PLAGL1: variants seen among roughly 807,000 people sequenced by gnomAD.
PLAGL1 encodes the protein PLAG1 like zinc finger 1, also known as zinc finger protein PLAGL1.
PLAGL1 carries 1 observed loss-of-function variant against 4.6 expected under a neutral mutation model. The observed-to-expected ratio is 0.22, with a 90% confidence interval of 0.08 to 1.03. The LOEUF (loss-of-function observed/expected upper bound fraction) is 1.03, where lower values mean the gene tolerates loss of function less well. Among genes scored for constraint, PLAGL1 ranks in the 50% least tolerant of loss-of-function variants. The pLI, the probability that PLAGL1 is intolerant of heterozygous loss-of-function variation, is 0.58. For missense variants in PLAGL1, 464 were observed against 570.4 expected, an observed-to-expected ratio of 0.81 and a Z score of 1.90; for synonymous variants, 240 against 237.8, an observed-to-expected ratio of 1.01 and a Z score of -0.08.
rs1339882190 is a variant in PLAGL1, at chr6:143,966,381, A to C, written c.-471-183T>G. ...ATTCAAATAGCAAAACAAACAAAAA[A>C]CCCAACTGTGCACACACACACACCA... On this transcript the variant is annotated intron_variant, in intron 3 of 7. Coordinates refer to ENST00000674357, the MANE Select transcript of PLAGL1 (RefSeq NM_001317162.2). The surrounding 1 kb of genome is among the most constrained non-coding windows in gnomAD (Gnocchi z 6.0). 1 of 152,142 alleles carries C rather than the reference A, an allele frequency of 6.6e-6. No individual in the cohort carries two copies. The highest frequency in any genetic ancestry group is 1.5e-5 in the Non-Finnish European group (1 of 68,034). The allele number at this position is 152,142 out of a possible 1,614,324, so 9.4% of individuals were successfully genotyped here. A position where few individuals can be genotyped will look rare whatever the true frequency, so the allele number is the denominator to read the frequency against.
intron 1 of PLAGL1, among the ~76,000 whole-genome samples, chr6:144,029,705 A>G (rs1242634344): frequency 1.3e-5 from 2 of 152,230 alleles, no homozygotes; most frequent in African/African-American, 4.8e-5. Context: ...CGGAGTAGAA[A>G]CTGGTACAGC....
intron 1 of PLAGL1, among the ~76,000 whole-genome samples, chr6:143,998,736 T>C (rs950193504): frequency 6.6e-6 from 1 of 152,032 alleles, no homozygotes; most frequent in Non-Finnish European, 1.5e-5. Context: ...GAGTATTCTC[T>C]GAACAGAGCT....
chr6:144,025,770 G>A (rs1796299674), intron 1 of PLAGL1, among the ~76,000 whole-genome samples: 1 of 152,032 alleles, frequency 6.6e-6, no homozygotes, highest in Non-Finnish European at 1.5e-5. Context: ...GCACGCACCT[G>A]TAATCCCAGC....
In PLAGL1 at chr6:143,942,674, A is replaced by G. The variant is rs200077266; in HGVS notation, c.153-11T>C. The G allele has an allele frequency of 1.9e-6, 3 of 1,599,498 alleles. No homozygotes were observed. Among genetic ancestry groups the G allele is most frequent in the Non-Finnish European group, 2.6e-6 (3 of 1,172,400 alleles). Reference sequence around the variant, plus strand: ...TGGGTAGCCATATGCCTAGGAGCAGAAGGAGAAATTTCACAATAGAGAGTT... The same window carrying G: ...TGGGTAGCCATATGCCTAGGAGCAGGAGGAGAAATTTCACAATAGAGAGTT... On this transcript the variant is annotated splice_polypyrimidine_tract_variant and intron_variant, in intron 7 of 7. Transcript: ENST00000674357. The surrounding 1 kb of genome is among the most constrained non-coding windows in gnomAD (Gnocchi z 7.6).
chr6:144,002,322 T>A (rs1273425158), intron 1 of PLAGL1, among the ~76,000 whole-genome samples: 1 of 152,168 alleles, frequency 6.6e-6, no homozygotes, highest in Non-Finnish European at 1.5e-5. Flanking sequence ...AACATCACCC[T>A]TAATAGTGAA....
In PLAGL1 at chr6:144,022,950, A is replaced by G. The variant is rs1278756325; in HGVS notation, c.-151+41518T>C. ...AAACCTGCACATGAATATTTATAGC[A>G]GCTTTACTCATAATTGCCAAAAACT... On this transcript the variant is annotated intron_variant, in intron 1 of 3. Transcript: ENST00000437412. The surrounding 1 kb of genome is among the most constrained non-coding windows in gnomAD (Gnocchi z 4.2). 1.3e-5 allele frequency among the ~76,000 whole-genome samples: 2 copies of G among 152,250 alleles called. No individual in the cohort carries two copies. Among genetic ancestry groups the G allele is most frequent in the East Asian group, 3.8e-4 (2 of 5,206 alleles).
At chr6:144,045,113 C>A (rs1798042769) in intron 1 of PLAGL1, among the ~76,000 whole-genome samples, 2 of 149,110 alleles carry the variant, frequency 1.3e-5, no homozygotes, top group Non-Finnish European at 3.0e-5. Context: ...ATACAGCACT[C>A]TGATGGGTCT....
rs999084316 is a variant in PLAGL1, at chr6:143,950,034, T to C, written c.-324-1574A>G. On this transcript the variant is annotated intron_variant, in intron 6 of 7. Transcript: ENST00000674357. This position sits in a 1 kb window ranked among gnomAD's most constrained non-coding sequence, Gnocchi z 6.3. Reference sequence around the variant, plus strand: ...CAGGAAACTTGTAGAGTTCCTCATCTTCTGTTGTAGATGTTTTCAGTGTCT... The same window carrying C: ...CAGGAAACTTGTAGAGTTCCTCATCCTCTGTTGTAGATGTTTTCAGTGTCT... 1.3e-5 allele frequency among the ~76,000 whole-genome samples: 2 copies of C among 152,218 alleles called. No homozygotes were observed. The highest frequency in any genetic ancestry group is 4.8e-5 in the African/African-American group (2 of 41,460).
Position 143,947,031 on chromosome 6 carries a change from G to A in PLAGL1, c.152+954C>T. Among the ~76,000 whole-genome samples the A allele has an allele frequency of 6.6e-6, 1 of 152,164 alleles. No homozygotes were observed. The highest frequency in any genetic ancestry group is 1.9e-4 in the East Asian group (1 of 5,200). ...TATCTAATGTATTCATTTCCCTCAT[G>A]GAAGTAGGTACCTAACAGGCACTCA... On this transcript the variant is annotated intron_variant, in intron 7 of 7. Transcript: ENST00000674357. This position sits in a 1 kb window ranked among gnomAD's most constrained non-coding sequence, Gnocchi z 4.3.
Position 144,036,735 on chromosome 6 carries a change from G to T in PLAGL1, c.-151+27733C>A. On this transcript the variant is annotated intron_variant, in intron 1 of 3. Transcript: ENST00000437412. This position sits in a 1 kb window ranked among gnomAD's most constrained non-coding sequence, Gnocchi z 5.1. ...ATGGAAAAAGTGAAACTACAGAACA[G>T]AAATTGTGCAACTTCCAGAAAACTG... 1 of 322,876 alleles carries T rather than the reference G, an allele frequency of 3.1e-6. No individual in the cohort carries two copies. Among genetic ancestry groups the T allele is most frequent in the Non-Finnish European group, 5.9e-6 (1 of 169,518 alleles). The allele number at this position is 322,876 out of a possible 1,614,324, so 20.0% of individuals were successfully genotyped here. A position where few individuals can be genotyped will look rare whatever the true frequency, so the allele number is the denominator to read the frequency against.
rs761735778 is a variant in PLAGL1, at chr6:144,027,230, C to CGAAAGAAAGA, written c.-151+37237_-151+37238insTCTTTCTTTC. Among the ~76,000 whole-genome samples, 1 of 99,106 alleles carries CGAAAGAAAGA rather than the reference C, an allele frequency of 1.0e-5. No homozygotes were observed. The highest frequency in any genetic ancestry group is 4.1e-5 in the African/African-American group (1 of 24,100). 65.0% of individuals were successfully genotyped at this position (99,106 alleles called of 152,430 possible). A position where few individuals can be genotyped will look rare whatever the true frequency, so the allele number is the denominator to read the frequency against. Reference sequence around the variant, plus strand: ...CAGAGAAAGACCCCAACTCAAAGAACGAACGAAAGAAAGAAAGAAAGAAAG... The same window carrying CGAAAGAAAGA: ...CAGAGAAAGACCCCAACTCAAAGAACGAAAGAAAGAGAACGAAAGAAAGAAAGAAAGAAAG... On this transcript the variant is annotated intron_variant, in intron 1 of 3. Coordinates refer to the PLAGL1 transcript ENST00000437412. This position sits in a 1 kb window ranked among gnomAD's most constrained non-coding sequence, Gnocchi z 5.8.
In PLAGL1 at chr6:144,050,535, G is replaced by T. The variant is rs1798506205; in HGVS notation, c.-151+13933C>A. The stretch of plus-strand genomic sequence containing the variant: ...TTATGTCTCTATTATTACATTATAG[G>T]CTTATTCTAGGGAATAAATATCTTA... On this transcript the variant is annotated intron_variant, in intron 1 of 3. Coordinates refer to the PLAGL1 transcript ENST00000437412. This position sits in a 1 kb window ranked among gnomAD's most constrained non-coding sequence, Gnocchi z 4.3. Among the ~76,000 whole-genome samples the T allele has an allele frequency of 6.6e-6, 1 of 151,996 alleles. No individual in the cohort carries two copies. The highest frequency in any genetic ancestry group is 2.4e-5 in the African/African-American group (1 of 41,364).
rs1796450100 is a variant in PLAGL1, at chr6:144,027,314, A to G, written c.-151+37154T>C. Reference sequence around the variant, plus strand: ...AAGAAAGTTATTTGATCTGAAGTACAATGTCTTTAAGAAGTGAAATCTGTA... The same window carrying G: ...AAGAAAGTTATTTGATCTGAAGTACGATGTCTTTAAGAAGTGAAATCTGTA... On this transcript the variant is annotated intron_variant, in intron 1 of 3. Transcript: ENST00000437412. The surrounding 1 kb of genome is among the most constrained non-coding windows in gnomAD (Gnocchi z 5.8). Among the ~76,000 whole-genome samples, 1 of 150,552 alleles carries G rather than the reference A, an allele frequency of 6.6e-6. No individual in the cohort carries two copies. The highest frequency in any genetic ancestry group is 6.6e-5 in the Admixed American group (1 of 15,044).
chr6:144,029,792 C>T (rs1214106038), intron 1 of PLAGL1, among the ~76,000 whole-genome samples: 4 of 152,136 alleles, frequency 2.6e-5, no homozygotes, highest in African/African-American at 9.7e-5. Flanking sequence ...ACTGGTACAA[C>T]CTTATGGAAG....
intron 1 of PLAGL1, among the ~76,000 whole-genome samples, chr6:143,991,763 C>T (rs182379453): frequency 2.0e-5 from 3 of 152,342 alleles, no homozygotes; most frequent in Admixed American, 1.3e-4. Context: ...TTCAAGCCTG[C>T]TAACCAGGAA....
At chr6:144,043,125 G>A (rs1386804938) in intron 1 of PLAGL1, among the ~76,000 whole-genome samples, 1 of 152,184 alleles carries the variant, frequency 6.6e-6, no homozygotes, top group Non-Finnish European at 1.5e-5. Context: ...TGGAAACAGG[G>A]ACAATTTGAC....
rs1476818373 is a variant in PLAGL1, at chr6:143,947,924, G to A, written c.152+61C>T. 2.1e-6 allele frequency: 3 copies of A among 1,411,592 alleles called. No individual in the cohort carries two copies. Among genetic ancestry groups the A allele is most frequent in the Non-Finnish European group, 3.0e-6 (3 of 1,003,230 alleles). 87.4% of individuals were successfully genotyped at this position (1,411,592 alleles called of 1,614,324 possible). On this transcript the variant is annotated intron_variant, in intron 7 of 7. Transcript: ENST00000674357. This position sits in a 1 kb window ranked among gnomAD's most constrained non-coding sequence, Gnocchi z 4.3. The stretch of plus-strand genomic sequence containing the variant: ...TTTCCCCTTGCATCGTGTGGTCTGA[G>A]GGCTAGAAAAGCCATTTAAACGTAC...
chr6:143,977,089 C>T (rs573634147), intron 2 of PLAGL1, among the ~76,000 whole-genome samples: 3 of 147,776 alleles, frequency 2.0e-5, no homozygotes, highest in Non-Finnish European at 4.5e-5. Flanking sequence ...CCCTTCCCCC[C>T]CCCCAACACA....
At chr6:144,011,839 G>A (rs1387017601), upstream of PLAGL1, among the ~76,000 whole-genome samples, 1 of 152,178 alleles carries the variant, frequency 6.6e-6, no homozygotes, top group Non-Finnish European at 1.5e-5. The surrounding 1 kb of genome is among the most constrained non-coding windows in gnomAD (Gnocchi z 4.3). Context: ...ATGCCTCAGA[G>A]TTTCAGTTCA....
Sources: allele counts gnomAD v4.1 joint callset (sites outside exome capture counted in the v4.1 genomes callset), GRCh38; gene constraint gnomAD v4.1.1; non-coding constraint Gnocchi (gnomAD v3.1); transcripts MANE v1.5; gene names NCBI Gene and HGNC (gene_info 2026-07-23, HGNC 2026-07-21).